The following TMEM143 variants were observed in gnomAD, a reference collection of about 807,000 sequenced individuals.
TMEM143 encodes transmembrane protein 143.
Under a neutral mutation model 40.3 loss-of-function variants are expected in TMEM143, and 45 were observed. That is an observed-to-expected ratio of 1.12 (90% CI 0.88 to 1.43). The LOEUF is 1.43. TMEM143 is among the 40% of genes most tolerant of loss of function. TMEM143 has a pLI of 0.00. For missense variants in TMEM143, 620 were observed against 613.4 expected (o/e 1.01, Z -0.11); for synonymous variants, 299 against 282.7 (o/e 1.06, Z -0.58).
In TMEM143 at chr19:48,332,371, TG is replaced by T. The variant is rs1969232049; in HGVS notation, c.*847del. On this transcript the variant is annotated 3_prime_UTR_variant, in exon 8 of 8. Coordinates refer to ENST00000293261, the MANE Select transcript of TMEM143 (RefSeq NM_018273.4). The stretch of plus-strand genomic sequence containing the variant: ...TAGCCTCATCCAGACTTATTAAACA[TG>T]ATTTATTACTTTGGGACAGGAGACG... The T allele has an allele frequency of 6.6e-6, 1 of 152,230 alleles. No homozygotes were observed. Among genetic ancestry groups the T allele is most frequent in the African/African-American group, 2.4e-5 (1 of 41,448 alleles). The allele number at this position is 152,230 out of a possible 1,614,324, so 9.4% of individuals were successfully genotyped here.
intron 3 of TMEM143, among the ~76,000 whole-genome samples, chr19:48,348,615 T>C (rs1017788457): frequency 1.3e-5 from 2 of 152,204 alleles, no homozygotes; most frequent in Admixed American, 6.5e-5. Context: ...CAGGCACAGA[T>C]TGAAGTATGT....
chr19:48,333,451 G>A lies in TMEM143; in HGVS notation c.1166-18C>T, dbSNP rs1486694583. The A allele has an allele frequency of 1.3e-6, 2 of 1,517,642 alleles. No individual in the cohort carries two copies. The highest frequency in any genetic ancestry group is 1.8e-6 in the Non-Finnish European group (2 of 1,111,592). The allele number at this position is 1,517,642 out of a possible 1,614,324, so 94.0% of individuals were successfully genotyped here. ...GGAGGTCTCTGCAAGGGGAGAGGCA[G>A]GTGTTCTGAGGTCACACTGAGATCG... On this transcript the variant is annotated intron_variant, in intron 7 of 7. Coordinates refer to ENST00000293261, the MANE Select transcript of TMEM143 (RefSeq NM_018273.4). The surrounding 1 kb of genome is among the most constrained non-coding windows in gnomAD (Gnocchi z 4.1).
intron 3 of TMEM143, among the ~76,000 whole-genome samples, chr19:48,357,051 C>A (rs145448955): frequency 6.6e-6 from 1 of 151,554 alleles, no homozygotes; most frequent in Non-Finnish European, 1.5e-5. Context: ...ATGACAGGCA[C>A]ATGCCACCAC....
intron 3 of TMEM143, among the ~76,000 whole-genome samples, chr19:48,354,264 CT>C (rs71181682): frequency 0.22 from 23,955 of 110,154 alleles, 2,244 homozygotes; most frequent in Middle Eastern, 0.33. Context: ...CAGACTTTTT[CT>C]TTTTTTTTTT....
chr19:48,363,800 G>T, intron 1 of TMEM143, 98 bp downstream of exon 1: 1 of 1,581,538 alleles, frequency 6.3e-7, no homozygotes, highest in Non-Finnish European at 8.7e-7. Flanking sequence ...TCTAGACAGC[G>T]AGGTAGATCT....
At position 48,333,913 on chromosome 19, in the gene TMEM143, C is replaced by A; in HGVS notation, c.1165+95G>T. On this transcript the variant is annotated intron_variant, in intron 7 of 7. Coordinates refer to ENST00000293261, the MANE Select transcript of TMEM143 (RefSeq NM_018273.4). The surrounding 1 kb of genome is among the most constrained non-coding windows in gnomAD (Gnocchi z 4.1). Reference sequence around the variant, plus strand: ...GGTCTCTTCGCAAACCCGTCAGGTTCACCCGTGGGAACTGGGGGTGGGGAC... The same window carrying A: ...GGTCTCTTCGCAAACCCGTCAGGTTAACCCGTGGGAACTGGGGGTGGGGAC... 1 of 1,340,354 alleles carries A rather than the reference C, an allele frequency of 7.5e-7. No individual in the cohort carries two copies. Among genetic ancestry groups the A allele is most frequent in the South Asian group, 1.5e-5 (1 of 67,266 alleles). 83.0% of individuals were successfully genotyped at this position (1,340,354 alleles called of 1,614,324 possible). A position where few individuals can be genotyped will look rare whatever the true frequency, so the allele number is the denominator to read the frequency against.
At chr19:48,360,276 G>A (rs906608299) in intron 2 of TMEM143, 100 bp from the exon 3 acceptor site, 85 of 1,232,246 alleles carry the variant, frequency 6.9e-5, no homozygotes, top group Non-Finnish European at 9.5e-5. Flanking sequence ...CAGAGCTCTG[G>A]ACTTTGAAGT....
chr19:48,348,635 A>G (rs976234701), intron 3 of TMEM143, among the ~76,000 whole-genome samples: 1 of 152,264 alleles, frequency 6.6e-6, no homozygotes, highest in African/African-American at 2.4e-5. Flanking sequence ...TTACACGCAC[A>G]TTCTCACAGT....
intron 6 of TMEM143, 66 bp downstream of exon 6, chr19:48,342,464 C>G: frequency 6.6e-7 from 1 of 1,508,784 alleles, no homozygotes; most frequent in East Asian, 2.5e-5. Flanking sequence ...ACAGAGACAA[C>G]TACAGGGGGC....
intron 3 of TMEM143, among the ~76,000 whole-genome samples, chr19:48,345,883 C>T (rs1214488333): frequency 6.6e-6 from 1 of 151,516 alleles, no homozygotes; most frequent in Non-Finnish European, 1.5e-5. Flanking sequence ...CTCCTGGGTT[C>T]AAGCGATTCT....
chr19:48,342,172 G>A (rs1325607247), intron 6 of TMEM143, among the ~76,000 whole-genome samples: 19 of 104,976 alleles, frequency 1.8e-4, no homozygotes, highest in African/African-American at 6.7e-4. Flanking sequence ...GGGAGGGGAA[G>A]GGGAGGGGAG....
At chr19:48,337,659 G>T (rs184548346) in intron 6 of TMEM143, among the ~76,000 whole-genome samples, 1 of 152,098 alleles carries the variant, frequency 6.6e-6, no homozygotes. Context: ...GGTGCCCATA[G>T]GGTGTTCCCA....
intron 6 of TMEM143, among the ~76,000 whole-genome samples, chr19:48,337,658 AG>A (rs1969401770): frequency 6.6e-6 from 1 of 152,056 alleles, no homozygotes; most frequent in Non-Finnish European, 1.5e-5. Flanking sequence ...GGGTGCCCAT[AG>A]GGTGTTCCCA....
intron 3 of TMEM143, among the ~76,000 whole-genome samples, chr19:48,348,669 T>G (rs886639238): frequency 6.6e-6 from 1 of 152,182 alleles, no homozygotes; most frequent in African/African-American, 2.4e-5. Context: ...TTTACAGATG[T>G]GGAAACTGAG....
In TMEM143 at chr19:48,334,074, T is replaced by TG; in HGVS notation, c.1098dup (p.Lys367GlnfsTer43). On this transcript the variant is annotated frameshift_variant, in exon 7 of 8. Transcript: ENST00000293261. LOFTEE classifies it high-confidence loss of function. ...AAGCTGTGAGCCAGCAGCGCCTCCT[T>TG]GGTGTGCTCGTCCTGCGCGCGCAGG... 1 of 1,586,284 alleles carries TG rather than the reference T, an allele frequency of 6.3e-7. No individual in the cohort carries two copies. The highest frequency in any genetic ancestry group is 2.3e-5 in the East Asian group (1 of 43,502).
At chr19:48,342,357 A>AAGG (rs1969513552) in intron 6 of TMEM143, among the ~76,000 whole-genome samples, 173 bp downstream of exon 6, 2 of 47,686 alleles carry the variant, frequency 4.2e-5, no homozygotes, top group African/African-American at 1.5e-4. Context: ...GGAAGGAAGG[A>AAGG]CAGGGAGGGA....
intron 3 of TMEM143, among the ~76,000 whole-genome samples, chr19:48,351,535 A>T (rs934769941): frequency 6.6e-6 from 1 of 152,092 alleles, no homozygotes; most frequent in Non-Finnish European, 1.5e-5. Flanking sequence ...GTCAAAGCAA[A>T]GTCCTCACCA....
At chr19:48,355,433 C>G (rs1012372967) in intron 3 of TMEM143, among the ~76,000 whole-genome samples, 3 of 152,136 alleles carry the variant, frequency 2.0e-5, no homozygotes, top group Non-Finnish European at 4.4e-5. Context: ...GGCTTGATCT[C>G]GACTCCACCA....
At chr19:48,355,000 T>G (rs1032387162) in intron 3 of TMEM143, among the ~76,000 whole-genome samples, 1 of 152,200 alleles carries the variant, frequency 6.6e-6, no homozygotes, top group African/African-American at 2.4e-5. Flanking sequence ...ATTTATACAT[T>G]TCTATAATAA....
Sources: gnomAD v4.1 joint callset for allele counts (sites outside exome capture counted in the v4.1 genomes callset) on GRCh38, gnomAD v4.1.1 for gene constraint, Gnocchi (gnomAD v3.1) non-coding constraint, MANE v1.5 for transcripts, NCBI Gene and HGNC (gene_info 2026-07-23, HGNC 2026-07-21) for gene names.